The following DISP3 variants were observed in gnomAD, a reference collection of about 807,000 sequenced individuals.
The protein encoded by DISP3 is dispatched RND transporter family member 3.
In DISP3, 101 loss-of-function variants were observed where a neutral mutation model predicts 135.3. The observed-to-expected ratio is 0.75, with a 90% CI of 0.64 to 0.88. The LOEUF (loss-of-function observed/expected upper bound fraction) is 0.88, where lower values mean the gene tolerates loss of function less well. DISP3 is among the 40% of genes least tolerant of loss of function. The pLI, the probability that DISP3 is intolerant of heterozygous loss-of-function variation, is 0.00. For synonymous variants in DISP3, 856 were observed against 817.0 expected (o/e 1.05, Z -0.81); for missense variants, 1,713 against 1,878.6 (o/e 0.91, Z 1.63).
rs142936742 is a variant in DISP3, at chr1:11,519,698, G to T, written c.2039-21G>T. On this transcript the variant is annotated intron_variant, in intron 8 of 20. Coordinates refer to ENST00000294484, the MANE Select transcript of DISP3 (RefSeq NM_020780.2). The surrounding 1 kb of genome is among the most constrained non-coding windows in gnomAD (Gnocchi z 4.3). The stretch of plus-strand genomic sequence containing the variant: ...TGGGCTTTGATTCAGGCTCTGACGG[G>T]CCACTGCTCTGCCCTGGCAGTGTCA... 6.2e-7 allele frequency: 1 copy of T among 1,607,266 alleles called. No individual in the cohort carries two copies. The highest frequency in any genetic ancestry group is 8.5e-7 in the Non-Finnish European group (1 of 1,176,588).
chr1:11,490,868 T>C (rs1641164958), intron 1 of DISP3, among the ~76,000 whole-genome samples: 1 of 152,210 alleles, frequency 6.6e-6, no homozygotes, highest in African/African-American at 2.4e-5. Flanking sequence ...GCACCTCCCA[T>C]GTGCCAGACA....
chr1:11,523,873 C>G (rs1642327772), intron 10 of DISP3, 69 bp from the exon 11 acceptor site: 1 of 1,311,704 alleles, frequency 7.6e-7, no homozygotes, highest in South Asian at 1.3e-5. Flanking sequence ...AGCCTCTTCC[C>G]TCTGCCCATC....
chr1:11,531,145 G>A lies in DISP3; in HGVS notation c.3229+112G>A, dbSNP rs1642566367. On this transcript the variant is annotated intron_variant, in intron 16 of 20. Transcript: ENST00000294484. This position sits in a 1 kb window ranked among gnomAD's most constrained non-coding sequence, Gnocchi z 5.2. ...CGAAGGACAGTGTCTGGCATGTGGG[G>A]GTCTTTTGCAGATGTGTATCTGTGC... The A allele has an allele frequency of 1.3e-6, 2 of 1,503,974 alleles. No homozygotes were observed. The highest frequency in any genetic ancestry group is 9.0e-7 in the Non-Finnish European group (1 of 1,114,626). The allele number at this position is 1,503,974 out of a possible 1,614,324, so 93.2% of individuals were successfully genotyped here.
chr1:11,489,584 GC>G (rs1184278989), intron 1 of DISP3, among the ~76,000 whole-genome samples: 1 of 152,198 alleles, frequency 6.6e-6, no homozygotes, highest in Non-Finnish European at 1.5e-5. Flanking sequence ...CCAGCATCCA[GC>G]CCCCCTTGCT....
rs1642707540 is a variant in DISP3 at position 11,536,428 on chromosome 1, C to T, written c.3921C>T (p.Leu1307=). ...CCACGGTCATCGCCACAGTGCCCCT[C>T]TTCTTCTGCATCATCGCCCCATTTG... ...ALTTVIATVP[L]FFCIIAPFAK... Residue 1307 remains leucine, a synonymous_variant, in exon 21 of 21, where the codon CTC becomes CTT. Coordinates refer to ENST00000294484, the MANE Select transcript of DISP3 (RefSeq NM_020780.2). This position sits in a 1 kb window ranked among gnomAD's most constrained non-coding sequence, Gnocchi z 4.3. 6.2e-7 allele frequency: 1 copy of T among 1,613,260 alleles called. No homozygotes were observed. The highest frequency in any genetic ancestry group is 8.5e-7 in the Non-Finnish European group (1 of 1,179,974).
chr1:11,529,685 A>G lies in DISP3; in HGVS notation c.2928A>G (p.Lys976=). The change falls in exon 14 of 21, where the codon AAA becomes AAG. Residue 976 remains lysine (K), a splice_region_variant and synonymous_variant. Coordinates refer to ENST00000294484, the MANE Select transcript of DISP3 (RefSeq NM_020780.2). The surrounding 1 kb of genome is among the most constrained non-coding windows in gnomAD (Gnocchi z 4.7). Reference sequence around the variant, plus strand: ...GCTTCTTCTTCGTGCCTAGTGAGAAAGGTACGGCAAGGGCACACAGGTGGG... The same window carrying G: ...GCTTCTTCTTCGTGCCTAGTGAGAAGGGTACGGCAAGGGCACACAGGTGGG... ...TKGFFFVPSE[K]VPKARLSATF... 6.2e-7 allele frequency: 1 copy of G among 1,603,118 alleles called. No individual in the cohort carries two copies. Among genetic ancestry groups the G allele is most frequent in the Non-Finnish European group, 8.5e-7 (1 of 1,171,482 alleles).
intron 1 of DISP3, among the ~76,000 whole-genome samples, chr1:11,489,147 T>G (rs570637804): frequency 2.1e-4 from 32 of 152,338 alleles, no homozygotes; most frequent in African/African-American, 7.7e-4. Context: ...CCTAAGGTTC[T>G]CTGTTCCTTC....
chr1:11,503,705 C>G (rs535114648), intron 3 of DISP3, among the ~76,000 whole-genome samples: 21 of 152,302 alleles, frequency 1.4e-4, no homozygotes, highest in African/African-American at 5.1e-4. Flanking sequence ...CACCCAGAGG[C>G]AATGCTTTAT....
chr1:11,515,923 T>G, intron 5 of DISP3, 78 bp from the exon 6 acceptor site: 1 of 1,530,830 alleles, frequency 6.5e-7, no homozygotes, highest in Non-Finnish European at 8.9e-7. Context: ...CCACTCACAC[T>G]TGGTCTAGGG....
chr1:11,479,407 G>C (rs1033175238), intron 1 of DISP3, 35 bp downstream of exon 1: 4 of 152,934 alleles, frequency 2.6e-5, no homozygotes, highest in African/African-American at 7.2e-5. Flanking sequence ...ATCCGGGCTT[G>C]GTCTCGGGGC....
At chr1:11,502,270 G>A (rs1226948794) in intron 2 of DISP3, among the ~76,000 whole-genome samples, 182 bp downstream of exon 2, 4 of 152,188 alleles carry the variant, frequency 2.6e-5, no homozygotes, top group Admixed American at 2.6e-4. Context: ...AGCGTAAGAG[G>A]GAACTGAAGA....
Position 11,536,217 on chromosome 1 carries a change from G to A in DISP3, c.3817-107G>A. 2 of 1,450,164 alleles carry A rather than the reference G, an allele frequency of 1.4e-6. No homozygotes were observed. Among genetic ancestry groups the A allele is most frequent in the Non-Finnish European group, 1.8e-6 (2 of 1,101,916 alleles). The allele number at this position is 1,450,164 out of a possible 1,614,324, so 89.8% of individuals were successfully genotyped here. ...GAGGCCACTTGCAGCTCTCATCCCA[G>A]TAACAGAGCAGGAACCTGGCGTGGG... On this transcript the variant is annotated intron_variant, in intron 20 of 20. Coordinates refer to ENST00000294484, the MANE Select transcript of DISP3 (RefSeq NM_020780.2). The surrounding 1 kb of genome is among the most constrained non-coding windows in gnomAD (Gnocchi z 4.3).
chr1:11,517,382 T>A, intron 6 of DISP3, 81 bp from the exon 7 acceptor site: 8 of 1,565,792 alleles, frequency 5.1e-6, no homozygotes, highest in Non-Finnish European at 6.1e-6. Context: ...GTCCTGAGTG[T>A]CTCTGGCTGC....
intron 15 of DISP3, 132 bp downstream of exon 15, chr1:11,530,091 CAG>C (rs1642537503): frequency 7.9e-7 from 1 of 1,270,966 alleles, no homozygotes; most frequent in Non-Finnish European, 1.1e-6. Context: ...CTAACCCAGA[CAG>C]AACCCCTATG....
Position 11,519,649 on chromosome 1 carries a change from C to T in DISP3, c.2039-70C>T, listed in dbSNP as rs377068892. On this transcript the variant is annotated intron_variant, in intron 8 of 20. Transcript: ENST00000294484. The surrounding 1 kb of genome is among the most constrained non-coding windows in gnomAD (Gnocchi z 4.3). ...CTTCCTCACCAGGCATCTGGGCTTC[C>T]CTGGAAGCGAGCGTGGACCACAGTG... 1,420 of 1,579,134 alleles carry T rather than the reference C, an allele frequency of 9.0e-4. 25 individuals carry two copies. In the South Asian group the frequency reaches 0.012, roughly 13 times the overall value.
Position 11,516,043 on chromosome 1 carries a change from C to T in DISP3, c.1631C>T (p.Ala544Val). 6.2e-7 allele frequency: 1 copy of T among 1,614,084 alleles called. No homozygotes were observed. Among genetic ancestry groups the T allele is most frequent in the Non-Finnish European group, 8.5e-7 (1 of 1,179,966 alleles). ...GTGTTCATCAACACCTACCGCCAGG[C>T]CACCCACCTGGAAGACCCACAGCTG... The part of the protein sequence containing the change: ...VFVFINTYRQ[A>V]THLEDPQLRM... The change falls in exon 6 of 21, where the codon GCC (alanine) becomes GTC (valine). Residue 544 changes from alanine to valine, a missense_variant. Ala to Val is a moderately conservative substitution (Grantham distance 64). Transcript: ENST00000294484. This position sits in a 1 kb window ranked among gnomAD's most constrained non-coding sequence, Gnocchi z 5.1.
Position 11,501,043 on chromosome 1 carries a change from G to T in DISP3, c.51G>T (p.Glu17Asp). 6.2e-7 allele frequency: 1 copy of T among 1,613,968 alleles called. No individual in the cohort carries two copies. Among genetic ancestry groups the T allele is most frequent in the Non-Finnish European group, 8.5e-7 (1 of 1,180,014 alleles). ...PLLQDVWLEE[E>D]QEEEEATGET... ...TGCAGGATGTGTGGCTAGAGGAGGA[G>T]CAGGAGGAGGAAGAAGCAACGGGTG... Residue 17 changes from glutamate (E) to aspartate (D), a missense_variant, in exon 2 of 21, where the codon GAG becomes GAT. Glu to Asp is a conservative substitution (Grantham distance 45). This residue lies in a region of DISP3 where 571 missense variants were observed against 494.1 expected (regional missense o/e 1.16). Transcript: ENST00000294484. This position sits in a 1 kb window ranked among gnomAD's most constrained non-coding sequence, Gnocchi z 4.9.
intron 1 of DISP3, among the ~76,000 whole-genome samples, chr1:11,480,253 C>T (rs995134439): frequency 3.9e-5 from 6 of 152,192 alleles, no homozygotes; most frequent in Non-Finnish European, 8.8e-5. Flanking sequence ...GCCCACTCCC[C>T]GGGTCAGCAC....
At chr1:11,487,749 C>T (rs982850821) in intron 1 of DISP3, among the ~76,000 whole-genome samples, 1 of 152,236 alleles carries the variant, frequency 6.6e-6, no homozygotes, top group Non-Finnish European at 1.5e-5. Context: ...GCCCCACCCT[C>T]ATCCCATTCT....
Sources: gnomAD v4.1 joint callset for allele counts (sites outside exome capture counted in the v4.1 genomes callset) on GRCh38, gnomAD v4.1.1 for gene constraint, gnomAD v4.1.1 regional missense constraint, Gnocchi (gnomAD v3.1) non-coding constraint, MANE v1.5 for transcripts, NCBI Gene and HGNC (gene_info 2026-07-23, HGNC 2026-07-21) for gene names.